Variants in P4HA1 observed in about 807,000 individuals in gnomAD.
P4HA1 encodes the protein prolyl 4-hydroxylase subunit alpha-1.
A neutral mutation model predicts 72.8 loss-of-function variants in P4HA1; 24 were observed. That is an observed-to-expected ratio of 0.33 (90% CI 0.24 to 0.46). P4HA1 has a LOEUF of 0.46. Among genes scored for constraint, P4HA1 ranks in the 20% least tolerant of loss-of-function variants. P4HA1 has a pLI of 1.00. For missense variants in P4HA1, 446 were observed against 640.6 expected (o/e 0.70, Z 3.28); for synonymous variants, 201 against 218.8 (o/e 0.92, Z 0.72).
At chr10:73,088,210 T>G (rs1841961946) in intron 1 of P4HA1, among the ~76,000 whole-genome samples, 1 of 152,188 alleles carries the variant, frequency 6.6e-6, no homozygotes, top group African/African-American at 2.4e-5. Flanking sequence ...CATTTTGAAC[T>G]AATTTTTGCA....
chr10:73,029,925 GA>G (rs1334971231), intron 10 of P4HA1, among the ~76,000 whole-genome samples: 4 of 151,934 alleles, frequency 2.6e-5, no homozygotes, highest in South Asian at 2.1e-4. Flanking sequence ...AAATAAAAAG[GA>G]AAAAAACCCA....
intron 1 of P4HA1, among the ~76,000 whole-genome samples, chr10:73,084,540 C>A (rs779196428): frequency 6.6e-6 from 1 of 152,116 alleles, no homozygotes; most frequent in Non-Finnish European, 1.5e-5. Flanking sequence ...CACCTCCAGG[C>A]TAGTCTCAAG....
At position 73,053,438 on chromosome 10, in the gene P4HA1, A is replaced by C. The variant is rs781075726; in HGVS notation, c.616T>G (p.Ser206Ala). Residue 206 changes from serine to alanine, a missense_variant, in exon 6 of 15, where the codon TCT becomes GCT. Physicochemically the swap from Ser to Ala is moderately conservative, Grantham distance 99 (BLOSUM62 1). Transcript: ENST00000394890. ...GCATAGCTCAAATAATCTAGAACAG[A>C]GACTTTATCTATGGTAGAAATCTCG... ...EGEISTIDKV[S>A]VLDYLSYAVY... The C allele has an allele frequency of 6.2e-7, 1 of 1,614,136 alleles. No homozygotes were observed.
intron 5 of P4HA1, among the ~76,000 whole-genome samples, chr10:73,058,435 C>T (rs1376691672): frequency 1.3e-5 from 2 of 152,176 alleles, no homozygotes; most frequent in African/African-American, 4.8e-5. Flanking sequence ...ACAAAAATTA[C>T]AGGCTATGAC....
chr10:73,091,521 TTAATA>T, intron 1 of P4HA1, among the ~76,000 whole-genome samples: 1 of 152,312 alleles, frequency 6.6e-6, no homozygotes, highest in East Asian at 1.9e-4. Context: ...GCAAATCTAG[TTAATA>T]TAAGATTAGA....
chr10:73,084,559 C>A (rs1350207866), intron 1 of P4HA1, among the ~76,000 whole-genome samples: 1 of 152,142 alleles, frequency 6.6e-6, no homozygotes, highest in Non-Finnish European at 1.5e-5. Flanking sequence ...AGCAGTCTTC[C>A]CGCCTGAGCC....
At chr10:73,043,999 G>A (rs1196705322) in intron 9 of P4HA1, 1 of 1,460,004 alleles carries the variant, frequency 6.8e-7, no homozygotes, top group Non-Finnish European at 9.6e-7. Flanking sequence ...TCCAGTAGCA[G>A]GCAATTTTGG....
chr10:73,057,053 C>T (rs1485031566), intron 5 of P4HA1, among the ~76,000 whole-genome samples: 1 of 143,606 alleles, frequency 7.0e-6, no homozygotes, highest in Middle Eastern at 3.4e-3. Context: ...GAGCAAGACG[C>T]TGTCTCGAAA....
In P4HA1 at chr10:73,096,373, T is replaced by A. The variant is rs1842165170; in HGVS notation, c.-33+393A>T. Among the ~76,000 whole-genome samples the A allele has an allele frequency of 2.0e-5, 3 of 151,884 alleles. No individual in the cohort carries two copies. In the South Asian group the frequency reaches 6.2e-4, roughly 31 times the overall value. On this transcript the variant is annotated intron_variant, in intron 1 of 14. Transcript: ENST00000394890. ...CGGCCAAAAGCCCACGCCCCGCGCT[T>A]GCGTTCCCCTTAGCCTCGTTAGGGA...
At chr10:73,076,803 T>C (rs1841706901) in intron 1 of P4HA1, among the ~76,000 whole-genome samples, 1 of 152,176 alleles carries the variant, frequency 6.6e-6, no homozygotes, top group Admixed American at 6.5e-5. Flanking sequence ...TACCCTGACT[T>C]GTCAACCTGT....
chr10:73,047,785 C>T (rs1840909776), intron 7 of P4HA1, among the ~76,000 whole-genome samples: 1 of 152,126 alleles, frequency 6.6e-6, no homozygotes, highest in Non-Finnish European at 1.5e-5. Flanking sequence ...CATGGTGGCT[C>T]ATGCCTATAA....
chr10:73,073,220 C>CTTTT (rs573264487), intron 3 of P4HA1, among the ~76,000 whole-genome samples: 2 of 116,168 alleles, frequency 1.7e-5, no homozygotes, highest in Admixed American at 8.8e-5. Flanking sequence ...CATCCATATT[C>CTTTT]TTTTTTTTTT....
chr10:73,063,264 T>C (rs1415366389), intron 5 of P4HA1, among the ~76,000 whole-genome samples: 1 of 152,182 alleles, frequency 6.6e-6, no homozygotes, highest in East Asian at 1.9e-4. Flanking sequence ...TGCTCTCCAC[T>C]TCCAAGATGG....
rs1841578856 is a variant in P4HA1 at position 73,072,170 on chromosome 10, T to C, written c.184A>G (p.Lys62Glu). The C allele has an allele frequency of 6.2e-7, 1 of 1,610,898 alleles. No homozygotes were observed. The highest frequency in any genetic ancestry group is 8.5e-7 in the Non-Finnish European group (1 of 1,177,798). The change falls in exon 4 of 15, where the codon AAG becomes GAG. Residue 62 changes from lysine to glutamate, a missense_variant. Transcript: ENST00000394890. ...KLEQIKKWAE[K>E]LDRLTSTATK... ...GCTGTACTAGTTAGCCGATCTAACT[T>C]CTCTGCCCATCTACAGATGTAAAAC...
At chr10:73,082,105 A>C (rs1216228528) in intron 1 of P4HA1, among the ~76,000 whole-genome samples, 1 of 152,198 alleles carries the variant, frequency 6.6e-6, no homozygotes, top group Non-Finnish European at 1.5e-5. Flanking sequence ...GCTATTCAAC[A>C]CTTTATTATA....
chr10:73,053,820 A>C (rs903009711), intron 5 of P4HA1, among the ~76,000 whole-genome samples: 2 of 152,234 alleles, frequency 1.3e-5, no homozygotes, highest in African/African-American at 4.8e-5. Flanking sequence ...AGAGAACCCA[A>C]GACTGAAATT....
rs769323241 is a variant in P4HA1 at position 73,029,415 on chromosome 10, CAAA to C, written c.1248+853_1248+855del. 6.5e-4 allele frequency among the ~76,000 whole-genome samples: 37 copies of C among 56,944 alleles called. No homozygotes were observed. In the South Asian group the frequency reaches 0.012, roughly 19 times the overall value. 37.4% of individuals were successfully genotyped at this position (56,944 alleles called of 152,430 possible). On this transcript the variant is annotated intron_variant, in intron 10 of 14. Transcript: ENST00000394890. Reference sequence around the variant, plus strand: ...ACAGAGCCAGACTCAGACTCCATCTCAAAAAAAAAAAAAAAAAAAAAATTGCAA... The same window carrying C: ...ACAGAGCCAGACTCAGACTCCATCTCAAAAAAAAAAAAAAAAAAATTGCAA...
chr10:73,055,889 T>C (rs1389575587), intron 5 of P4HA1, among the ~76,000 whole-genome samples: 2 of 152,236 alleles, frequency 1.3e-5, no homozygotes, highest in Non-Finnish European at 2.9e-5. Context: ...GGAACTAAAA[T>C]AGAGGTTAAC....
chr10:73,043,913 G>C, intron 9 of P4HA1: 1 of 1,612,502 alleles, frequency 6.2e-7, no homozygotes, highest in Non-Finnish European at 8.5e-7. Context: ...ACTGTGCTGT[G>C]GTCAATTTTC....
Sources: allele counts gnomAD v4.1 joint callset (sites outside exome capture counted in the v4.1 genomes callset), GRCh38; gene constraint gnomAD v4.1.1; transcripts MANE v1.5; gene names NCBI Gene and HGNC (gene_info 2026-07-23, HGNC 2026-07-21).